KIRREL1: variants seen among roughly 807,000 people sequenced by gnomAD.
The protein encoded by KIRREL1 is kin of IRRE-like protein 1.
A neutral mutation model predicts 83.3 loss-of-function variants in KIRREL1; 25 were observed. The ratio of observed to expected loss-of-function variants is 0.30; its 90% CI spans 0.22 to 0.42. The LOEUF (loss-of-function observed/expected upper bound fraction) is 0.42. KIRREL1 is among the 10% of genes least tolerant of loss of function. The pLI is 1.00. For synonymous variants in KIRREL1, 388 were observed against 410.4 expected, an observed-to-expected ratio of 0.95 and a Z score of 0.66; for missense variants, 812 against 1,032.3, an observed-to-expected ratio of 0.79 and a Z score of 2.92.
intron 1 of KIRREL1, among the ~76,000 whole-genome samples, chr1:158,017,889 GAA>G (rs10718985): frequency 1.3e-4 from 19 of 148,242 alleles, no homozygotes; most frequent in Admixed American, 6.7e-4. Context: ...GAGGGGAAAA[GAA>G]AAAAAAAAAG....
chr1:158,020,382 C>A (rs572723368), intron 1 of KIRREL1, among the ~76,000 whole-genome samples: 9 of 152,138 alleles, frequency 5.9e-5, no homozygotes, highest in South Asian at 2.1e-4. Context: ...TCAACTCCCC[C>A]CAAAGAATGA....
chr1:158,011,777 G>T (rs749649581), intron 1 of KIRREL1, among the ~76,000 whole-genome samples: 1 of 152,154 alleles, frequency 6.6e-6, no homozygotes, highest in African/African-American at 2.4e-5. Context: ...GGGCAGCAGT[G>T]GGGGAAGGAG....
intron 1 of KIRREL1, among the ~76,000 whole-genome samples, chr1:157,994,292 C>G (rs1390370304): frequency 2.0e-5 from 3 of 152,046 alleles, no homozygotes; most frequent in African/African-American, 4.8e-5. Context: ...GGAGGGGTGT[C>G]TCGGCGCCTC....
intron 1 of KIRREL1, among the ~76,000 whole-genome samples, chr1:158,031,451 A>C (rs1322090859): frequency 6.6e-6 from 1 of 152,196 alleles, no homozygotes; most frequent in African/African-American, 2.4e-5. Flanking sequence ...GGTACTTCTC[A>C]GGTGCCCTCT....
intron 1 of KIRREL1, among the ~76,000 whole-genome samples, chr1:158,064,020 T>C (rs983648875): frequency 2.6e-5 from 4 of 152,228 alleles, no homozygotes; most frequent in Non-Finnish European, 5.9e-5. Flanking sequence ...AATAGATGTA[T>C]GTTGAATTAA....
intron 1 of KIRREL1, among the ~76,000 whole-genome samples, chr1:158,016,753 C>G (rs1469905417): frequency 2.0e-5 from 3 of 152,156 alleles, no homozygotes; most frequent in African/African-American, 4.8e-5. Context: ...AGTGAGGAAC[C>G]TACGTGTGAG....
At chr1:158,041,150 A>T (rs1258102290) in intron 1 of KIRREL1, among the ~76,000 whole-genome samples, 1 of 152,220 alleles carries the variant, frequency 6.6e-6, no homozygotes, top group Non-Finnish European at 1.5e-5. Context: ...TAGACAGATA[A>T]ATAGGGAACA....
intron 1 of KIRREL1, among the ~76,000 whole-genome samples, chr1:158,058,045 AT>A (rs1402696614): frequency 6.6e-6 from 1 of 152,012 alleles, no homozygotes; most frequent in Non-Finnish European, 1.5e-5. Context: ...GGGGCTTGCG[AT>A]TTTCTGGAGG....
intron 5 of KIRREL1, 22 bp downstream of exon 5, chr1:158,086,768 G>T (rs1662028651): frequency 6.7e-7 from 1 of 1,488,350 alleles, no homozygotes; most frequent in African/African-American, 1.4e-5. Flanking sequence ...GGGGGGAGCA[G>T]TCTGGAGCAG....
At chr1:158,038,308 T>G (rs4246540) in intron 1 of KIRREL1, among the ~76,000 whole-genome samples, 1 of 152,120 alleles carries the variant, frequency 6.6e-6, no homozygotes, top group Non-Finnish European at 1.5e-5. Flanking sequence ...GTCACTGTAA[T>G]GAGGCTTTGC....
chr1:158,086,860 G>A, intron 5 of KIRREL1, 114 bp downstream of exon 5: 1 of 978,642 alleles, frequency 1.0e-6, no homozygotes, highest in East Asian at 2.6e-5. Context: ...TGGTCCCCAG[G>A]ACAAACGCTT....
At chr1:157,994,076 G>A (rs1013374575) in intron 1 of KIRREL1, among the ~76,000 whole-genome samples, 2 of 152,234 alleles carry the variant, frequency 1.3e-5, no homozygotes, top group African/African-American at 4.8e-5. Flanking sequence ...CTCTGAGGCC[G>A]GGGTTCCGGA....
At chr1:158,040,754 A>G (rs11264879) in intron 1 of KIRREL1, among the ~76,000 whole-genome samples, 123,170 of 152,150 alleles carry the variant, frequency 0.81, 50,407 homozygotes, top group East Asian at 0.99. Flanking sequence ...TGGTCTATTC[A>G]GAGGAGGAGG....
intron 1 of KIRREL1, among the ~76,000 whole-genome samples, chr1:158,038,572 G>A (rs1660538144): frequency 3.0e-5 from 4 of 132,620 alleles, no homozygotes; most frequent in Non-Finnish European, 6.2e-5. Context: ...AGTGATTCTT[G>A]CCTTGGCCCC....
At chr1:158,009,960 G>A (rs547283663) in intron 1 of KIRREL1, among the ~76,000 whole-genome samples, 1 of 152,324 alleles carries the variant, frequency 6.6e-6, no homozygotes, top group East Asian at 1.9e-4. Context: ...GCACTGGATT[G>A]CAGGTCTAGA....
At chr1:158,075,731 A>C (rs1661660400) in intron 1 of KIRREL1, among the ~76,000 whole-genome samples, 1 of 152,190 alleles carries the variant, frequency 6.6e-6, no homozygotes. Flanking sequence ...GCAGGGGCTC[A>C]GGTTCTAATC....
intron 1 of KIRREL1, among the ~76,000 whole-genome samples, chr1:158,042,761 T>C (rs577207907): frequency 2.8e-4 from 43 of 152,096 alleles, no homozygotes; most frequent in Non-Finnish European, 4.7e-4. Flanking sequence ...CTCTGTGATG[T>C]TATTACTATG....
At chr1:158,032,662 G>T (rs942384679) in intron 1 of KIRREL1, among the ~76,000 whole-genome samples, 1 of 152,196 alleles carries the variant, frequency 6.6e-6, no homozygotes, top group African/African-American at 2.4e-5. Context: ...AACTCCAGGT[G>T]TGTCCCAGGC....
At chr1:158,009,567 G>A (rs1460678901) in intron 1 of KIRREL1, among the ~76,000 whole-genome samples, 1 of 152,166 alleles carries the variant, frequency 6.6e-6, no homozygotes, top group Non-Finnish European at 1.5e-5. Context: ...AGGGAGGGAG[G>A]GTCCTTTTGT....
Sources: allele counts gnomAD v4.1 joint callset (sites outside exome capture counted in the v4.1 genomes callset), GRCh38; gene constraint gnomAD v4.1.1; transcripts MANE v1.5; gene names NCBI Gene and HGNC (gene_info 2026-07-23, HGNC 2026-07-21).